TNIK: variants seen among roughly 807,000 people sequenced by gnomAD.
TNIK encodes TRAF2 and NCK interacting kinase.
TNIK carries 49 observed loss-of-function variants against 191.3 expected under a neutral mutation model. The ratio of observed to expected loss-of-function variants is 0.26; its 90% CI spans 0.20 to 0.32. The LOEUF (loss-of-function observed/expected upper bound fraction) is 0.32, where lower values mean the gene tolerates loss of function less well. Among genes scored for constraint, TNIK ranks in the 10% least tolerant of loss-of-function variants. The pLI is 1.00. For missense variants in TNIK, 1,155 were observed against 1,702.3 expected (o/e 0.68, Z 5.66); for synonymous variants, 594 against 600.9 (o/e 0.99, Z 0.17).
chr3:171,080,809 G>A (rs1720580676), intron 27 of TNIK, among the ~76,000 whole-genome samples: 1 of 152,138 alleles, frequency 6.6e-6, no homozygotes, highest in Non-Finnish European at 1.5e-5. Flanking sequence ...CTAAACTAAG[G>A]GAATCATTGT....
intron 2 of TNIK, among the ~76,000 whole-genome samples, chr3:171,275,281 T>C (rs1452031274): frequency 6.6e-6 from 1 of 152,186 alleles, no homozygotes; most frequent in Non-Finnish European, 1.5e-5. Context: ...CACTCTTAAT[T>C]ATGAATAGCC....
At chr3:171,195,092 G>A (rs950636467) in intron 4 of TNIK, among the ~76,000 whole-genome samples, 1 of 152,190 alleles carries the variant, frequency 6.6e-6, no homozygotes, top group African/African-American at 2.4e-5. Flanking sequence ...AGCTGTCAGT[G>A]TGGGAACTAT....
At chr3:171,254,281 C>T (rs994773747) in intron 2 of TNIK, among the ~76,000 whole-genome samples, 1 of 152,050 alleles carries the variant, frequency 6.6e-6, no homozygotes, top group Non-Finnish European at 1.5e-5. Flanking sequence ...TTCTTAAGGA[C>T]CATTCTCCAA....
chr3:171,385,423 A>G (rs751968494), intron 1 of TNIK, among the ~76,000 whole-genome samples: 7 of 152,094 alleles, frequency 4.6e-5, no homozygotes, highest in Admixed American at 6.6e-5. Context: ...CAGAGGAAAC[A>G]TTTGCTGGAG....
chr3:171,130,325 T>C (rs931698073), intron 15 of TNIK, among the ~76,000 whole-genome samples: 1 of 152,164 alleles, frequency 6.6e-6, no homozygotes, highest in Non-Finnish European at 1.5e-5. Context: ...CTCCTGCCTC[T>C]AGTGAGGAGT....
At chr3:171,362,975 C>T (rs562981313) in intron 2 of TNIK, among the ~76,000 whole-genome samples, 9 of 152,294 alleles carry the variant, frequency 5.9e-5, no homozygotes, top group South Asian at 4.1e-4. Flanking sequence ...CCTAAATAGT[C>T]TACACTCTCA....
chr3:171,145,333 G>A (rs1229324452), intron 12 of TNIK, among the ~76,000 whole-genome samples: 5 of 152,010 alleles, frequency 3.3e-5, no homozygotes, highest in East Asian at 1.9e-4. Flanking sequence ...TGATCCGCCC[G>A]CCTCGGCCTC....
intron 10 of TNIK, 74 bp downstream of exon 10, chr3:171,167,021 C>A: frequency 6.6e-7 from 1 of 1,520,418 alleles, no homozygotes; most frequent in Non-Finnish European, 8.8e-7. Context: ...CCATAGTCAC[C>A]TCCAAATACA....
chr3:171,276,707 A>C (rs1749792621), intron 2 of TNIK, among the ~76,000 whole-genome samples: 1 of 152,192 alleles, frequency 6.6e-6, no homozygotes, highest in Non-Finnish European at 1.5e-5. Context: ...TGGAGAGTGC[A>C]GGGGTGCCAA....
intron 2 of TNIK, among the ~76,000 whole-genome samples, chr3:171,284,025 G>A (rs772190377): frequency 6.6e-6 from 1 of 152,112 alleles, no homozygotes; most frequent in Non-Finnish European, 1.5e-5. Context: ...CCATTTGCCC[G>A]TTATCCCCTG....
At chr3:171,093,163 G>A (rs1384116320) in intron 23 of TNIK, among the ~76,000 whole-genome samples, 1 of 152,142 alleles carries the variant, frequency 6.6e-6, no homozygotes, top group African/African-American at 2.4e-5. Flanking sequence ...AAGAGGAAAA[G>A]ACGGATTTCA....
chr3:171,292,144 T>C (rs1291137527), intron 2 of TNIK, among the ~76,000 whole-genome samples: 1 of 152,238 alleles, frequency 6.6e-6, no homozygotes, highest in Non-Finnish European at 1.5e-5. Context: ...AAGAATATTT[T>C]CCTTTATCTC....
intron 7 of TNIK, among the ~76,000 whole-genome samples, chr3:171,183,077 A>G (rs1247000318): frequency 6.6e-6 from 1 of 152,242 alleles, no homozygotes; most frequent in African/African-American, 2.4e-5. Flanking sequence ...TGGCAGTTCA[A>G]CCAGCAAACC....
intron 1 of TNIK, among the ~76,000 whole-genome samples, chr3:171,375,338 G>T (rs1210018020): frequency 1.3e-5 from 2 of 152,022 alleles, no homozygotes; most frequent in Non-Finnish European, 2.9e-5. Flanking sequence ...AACTAAAAAA[G>T]CCAATAAAAC....
chr3:171,400,438 G>A (rs1720778981), intron 1 of TNIK, among the ~76,000 whole-genome samples: 1 of 151,992 alleles, frequency 6.6e-6, no homozygotes, highest in Admixed American at 6.6e-5. Flanking sequence ...GCATGGTAGT[G>A]CATTCCTGTA....
intron 4 of TNIK, among the ~76,000 whole-genome samples, chr3:171,207,279 T>C (rs114468048): frequency 0.024 from 3,640 of 152,238 alleles, 136 homozygotes; most frequent in African/African-American, 0.084. Context: ...GCTGTACCAA[T>C]TTACATTTCC....
At chr3:171,113,736 T>G (rs994047914) in intron 18 of TNIK, among the ~76,000 whole-genome samples, 2 of 152,084 alleles carry the variant, frequency 1.3e-5, no homozygotes, top group African/African-American at 2.4e-5. Flanking sequence ...CAGTATTCAT[T>G]CACTCAGTTA....
Position 171,272,819 on chromosome 3 carries a change from C to T in TNIK, c.124-44598G>A, listed in dbSNP as rs367795835. Among the ~76,000 whole-genome samples, 111 of 152,262 alleles carry T rather than the reference C, an allele frequency of 7.3e-4. 1 individual carries two copies. In the South Asian group the frequency reaches 0.021, roughly 28 times the overall value. On this transcript the variant is annotated intron_variant, in intron 2 of 32. Coordinates refer to ENST00000436636, the MANE Select transcript of TNIK (RefSeq NM_015028.4). ...CCATTATTTTGAATTGTTTGTCAGG[C>T]AGTTCATATATCTCCATTTTCTTAG...
At chr3:171,232,802 A>G (rs1218584331) in intron 2 of TNIK, among the ~76,000 whole-genome samples, 3 of 152,222 alleles carry the variant, frequency 2.0e-5, no homozygotes, top group Non-Finnish European at 4.4e-5. Context: ...TCCTTGTTCT[A>G]TGTAAAATAA....
Sources: allele counts gnomAD v4.1 joint callset (sites outside exome capture counted in the v4.1 genomes callset), GRCh38; gene constraint gnomAD v4.1.1; transcripts MANE v1.5; gene names NCBI Gene and HGNC (gene_info 2026-07-23, HGNC 2026-07-21).